The following LYPLAL1 variants were observed in gnomAD, a reference collection of about 807,000 sequenced individuals.
The protein encoded by LYPLAL1 is lysophospholipase like 1, also known as lysophospholipase-like protein 1.
Under a neutral mutation model 19.7 loss-of-function variants are expected in LYPLAL1, and 23 were observed. That is an observed-to-expected ratio of 1.17 (90% confidence interval 0.84 to 1.65). The LOEUF is 1.65. Among genes scored for constraint, LYPLAL1 ranks in the 40% most tolerant of loss-of-function variants. LYPLAL1 has a pLI of 0.00. For missense variants in LYPLAL1, 355 were observed against 279.4 expected (o/e 1.27, Z -1.93); for synonymous variants, 119 against 96.3 (o/e 1.24, Z -1.38).
the LYPLAL1 span, among the ~76,000 whole-genome samples, chr1:219,262,573 T>G: frequency 6.6e-6 from 1 of 152,192 alleles, no homozygotes. Context: ...TGGGGCTTCC[T>G]GAGATCCAAA....
At chr1:219,180,962 C>T (rs1558220620) in intron 2 of LYPLAL1, among the ~76,000 whole-genome samples, 1 of 151,996 alleles carries the variant, frequency 6.6e-6, no homozygotes, top group Non-Finnish European at 1.5e-5. Context: ...GTTTTATAAC[C>T]AATAGCTATT....
At chr1:219,389,325 T>A in the LYPLAL1 span, among the ~76,000 whole-genome samples, 1 of 151,980 alleles carries the variant, frequency 6.6e-6, no homozygotes, top group East Asian at 1.9e-4. Context: ...AACACAAGAG[T>A]ATGGGGAAGG....
intron 3 of LYPLAL1, among the ~76,000 whole-genome samples, chr1:219,196,798 A>C (rs1021826487): frequency 6.6e-6 from 1 of 152,160 alleles, no homozygotes; most frequent in Non-Finnish European, 1.5e-5. Context: ...AACTTAAGGA[A>C]AGTCTCAGGA....
the LYPLAL1 span, among the ~76,000 whole-genome samples, chr1:219,387,647 CA>C: frequency 1.3e-5 from 2 of 152,168 alleles, no homozygotes; most frequent in African/African-American, 4.8e-5. Flanking sequence ...AGGTTGTCTT[CA>C]ACACCTGAAA....
chr1:219,346,936 A>G, the LYPLAL1 span, among the ~76,000 whole-genome samples: 1 of 152,218 alleles, frequency 6.6e-6, no homozygotes, highest in East Asian at 1.9e-4. Context: ...ACAAACACCA[A>G]AACCCCTATT....
At chr1:219,362,858 G>A in the LYPLAL1 span, among the ~76,000 whole-genome samples, 1 of 151,728 alleles carries the variant, frequency 6.6e-6, no homozygotes, top group Non-Finnish European at 1.5e-5. Context: ...TTAGAGGAAG[G>A]AAACAAACAC....
At chr1:219,320,839 A>G in the LYPLAL1 span, among the ~76,000 whole-genome samples, 2 of 152,198 alleles carry the variant, frequency 1.3e-5, no homozygotes, top group Non-Finnish European at 1.5e-5. Flanking sequence ...CCAGTCTATC[A>G]TTGATGGGCA....
At chr1:219,233,394 T>G in the LYPLAL1 span, among the ~76,000 whole-genome samples, 1 of 152,180 alleles carries the variant, frequency 6.6e-6, no homozygotes, top group South Asian at 2.1e-4. Flanking sequence ...AGTTTTGCAG[T>G]ATGAAAAGCT....
chr1:219,218,908 G>T, the LYPLAL1 span, among the ~76,000 whole-genome samples: 1 of 152,122 alleles, frequency 6.6e-6, no homozygotes, highest in East Asian at 1.9e-4. Flanking sequence ...GCCCCATCCA[G>T]CCAAACAAAT....
the LYPLAL1 span, among the ~76,000 whole-genome samples, chr1:219,432,242 C>T: frequency 6.6e-6 from 1 of 152,148 alleles, no homozygotes; most frequent in Non-Finnish European, 1.5e-5. Context: ...AATGCAGATT[C>T]ATCAATTTCT....
At chr1:219,346,460 AT>A in the LYPLAL1 span, among the ~76,000 whole-genome samples, 4,390 of 136,240 alleles carry the variant, frequency 0.032, 154 homozygotes, top group African/African-American at 0.098. Flanking sequence ...GTCAATTTCT[AT>A]TTTTTTTTTT....
chr1:219,279,228 G>T, the LYPLAL1 span, among the ~76,000 whole-genome samples: 1 of 152,170 alleles, frequency 6.6e-6, no homozygotes, highest in African/African-American at 2.4e-5. Flanking sequence ...AGGAATGTGG[G>T]TGGGCAGGGG....
chr1:219,323,086 C>G, the LYPLAL1 span, among the ~76,000 whole-genome samples: 3 of 152,140 alleles, frequency 2.0e-5, no homozygotes, highest in East Asian at 3.8e-4. Context: ...AATTCAAGAC[C>G]TAACTGAACT....
the LYPLAL1 span, among the ~76,000 whole-genome samples, chr1:219,324,579 G>T: frequency 6.6e-6 from 1 of 152,132 alleles, no homozygotes; most frequent in Non-Finnish European, 1.5e-5. Context: ...GAGTTACATA[G>T]CATGTTTTGT....
chr1:219,255,896 A>G, the LYPLAL1 span, among the ~76,000 whole-genome samples: 1 of 151,898 alleles, frequency 6.6e-6, no homozygotes, highest in African/African-American at 2.4e-5. Flanking sequence ...GTGTGATGTT[A>G]CATTGATTGA....
chr1:219,182,560 C>T (rs900159625), intron 2 of LYPLAL1, among the ~76,000 whole-genome samples: 1 of 152,044 alleles, frequency 6.6e-6, no homozygotes, highest in African/African-American at 2.4e-5. Flanking sequence ...TTAACTCTCA[C>T]TCTTTTTAAT....
At chr1:219,250,654 A>G in the LYPLAL1 span, among the ~76,000 whole-genome samples, 1 of 152,014 alleles carries the variant, frequency 6.6e-6, no homozygotes, top group East Asian at 1.9e-4. Flanking sequence ...TTATGGCTGC[A>G]TAGTATTCCA....
the LYPLAL1 span, among the ~76,000 whole-genome samples, chr1:219,254,698 G>C: frequency 6.6e-6 from 1 of 151,990 alleles, no homozygotes; most frequent in Non-Finnish European, 1.5e-5. Flanking sequence ...TTTCTGTCTA[G>C]CTGCCTTTAA....
the LYPLAL1 span, among the ~76,000 whole-genome samples, chr1:219,342,738 G>C: frequency 4.6e-5 from 7 of 152,180 alleles, no homozygotes; most frequent in Non-Finnish European, 1.0e-4. Flanking sequence ...CAAGTGTCCA[G>C]TGGAATGATT....
Sources: allele counts gnomAD v4.1 joint callset (sites outside exome capture counted in the v4.1 genomes callset), GRCh38; gene constraint gnomAD v4.1.1; transcripts MANE v1.5; gene names NCBI Gene and HGNC (gene_info 2026-07-23, HGNC 2026-07-21).